C6orf132: variants seen among roughly 807,000 people sequenced by gnomAD.
The protein encoded by C6orf132 is chromosome 6 open reading frame 132, also known as uncharacterized protein C6orf132.
C6orf132 carries 43 observed loss-of-function variants against 65.3 expected under a neutral mutation model. The ratio of observed to expected loss-of-function variants is 0.66; its 90% CI spans 0.52 to 0.85. The LOEUF (loss-of-function observed/expected upper bound fraction) is 0.85, where lower values mean the gene tolerates loss of function less well. Among genes scored for constraint, C6orf132 ranks in the 40% least tolerant of loss-of-function variants. The pLI, the probability that C6orf132 is intolerant of heterozygous loss-of-function variation, is 0.00. For synonymous variants in C6orf132, 631 were observed against 654.1 expected (o/e 0.96, Z 0.54); for missense variants, 1,488 against 1,548.8 (o/e 0.96, Z 0.66).
chr6:42,106,339 G>C lies in C6orf132; in HGVS notation c.1573C>G (p.Pro525Ala). The C allele has an allele frequency of 6.5e-6, 10 of 1,536,646 alleles. No homozygotes were observed. The highest frequency in any genetic ancestry group is 8.7e-6 in the Non-Finnish European group (10 of 1,146,852). ...CCAAGACTCTTTTCAGGAACACCTG[G>C]GGGAGTGTCCTTTGCTGGCAGGCTC... ...LLSLPAKDTP[P>A]GVPEKSLGGS... is the part of the protein sequence containing the mutation. Residue 525 changes from proline (P) to alanine (A), a missense_variant, in exon 4 of 5, where the codon CCA becomes GCA. Transcript: ENST00000341865.
At chr6:42,125,597 A>G (rs1453350941) in intron 2 of C6orf132, among the ~76,000 whole-genome samples, 1 of 152,132 alleles carries the variant, frequency 6.6e-6, no homozygotes, top group Non-Finnish European at 1.5e-5. Context: ...TCGGTTCACC[A>G]TGTGTCCATT....
intron 2 of C6orf132, among the ~76,000 whole-genome samples, chr6:42,125,020 G>C (rs1448575324): frequency 1.3e-5 from 2 of 152,274 alleles, no homozygotes; most frequent in Admixed American, 1.3e-4. Flanking sequence ...AGCAAAACTA[G>C]ATGTATGTGG....
Position 42,107,405 on chromosome 6 carries a change from T to C in C6orf132, c.507A>G (p.Thr169=). ...GGSPLPSPPS[T]APPPPPLLLE... is the part of the protein sequence containing the mutation. ...GCAGCAGGGGAGGTGGTGGGGGTGC[T>C]GTGGAAGGTGGAGATGGCAGTGGCG... Residue 169 remains threonine (T), a synonymous_variant, in exon 4 of 5, where the codon ACA becomes ACG. Transcript: ENST00000341865. 1 of 1,355,298 alleles carries C rather than the reference T, an allele frequency of 7.4e-7. No individual in the cohort carries two copies. The highest frequency in any genetic ancestry group is 9.9e-7 in the Non-Finnish European group (1 of 1,015,084). 84.0% of individuals were successfully genotyped at this position (1,355,298 alleles called of 1,614,324 possible). A position where few individuals can be genotyped will look rare whatever the true frequency, so the allele number is the denominator to read the frequency against.
intron 2 of C6orf132, among the ~76,000 whole-genome samples, chr6:42,116,898 CA>C (rs1462551908): frequency 1.3e-5 from 2 of 152,122 alleles, no homozygotes; most frequent in African/African-American, 2.4e-5. Context: ...TCAGAGGTCC[CA>C]GGGGCAGATG....
At chr6:42,131,963 G>A (rs1458579549) in intron 1 of C6orf132, among the ~76,000 whole-genome samples, 1 of 152,226 alleles carries the variant, frequency 6.6e-6, no homozygotes, top group Admixed American at 6.5e-5. Context: ...GTAGGGGTCA[G>A]AGAGGGAAAC....
rs58477278 is a variant in C6orf132 at position 42,120,246 on chromosome 6, C to CT, written c.252+8425dup. Among the ~76,000 whole-genome samples, 820 of 141,588 alleles carry CT rather than the reference C, an allele frequency of 5.8e-3. 9 individuals carry two copies. Among genetic ancestry groups the CT allele is most frequent in the African/African-American group, 0.017 (647 of 38,796 alleles). 92.9% of individuals were successfully genotyped at this position (141,588 alleles called of 152,430 possible). ...CCTTCCTTGTCTTTATTGCGAGGTTCTTTTTTTTTTTTTTTCTTGAGACGG... is the reference window on the plus strand; with the variant it reads ...CCTTCCTTGTCTTTATTGCGAGGTTCTTTTTTTTTTTTTTTTCTTGAGACGG... On this transcript the variant is annotated intron_variant, in intron 2 of 4. Coordinates refer to ENST00000341865, the MANE Select transcript of C6orf132 (RefSeq NM_001164446.3).
intron 2 of C6orf132, among the ~76,000 whole-genome samples, chr6:42,111,894 G>C (rs1562035216): frequency 2.6e-5 from 4 of 151,928 alleles, no homozygotes; most frequent in African/African-American, 9.7e-5. Context: ...CTGTTTTGAA[G>C]AGCTGTAGAG....
chr6:42,105,983 G>C lies in C6orf132; in HGVS notation c.1929C>G (p.Pro643=). 1 of 1,537,224 alleles carries C rather than the reference G, an allele frequency of 6.5e-7. No homozygotes were observed. Among genetic ancestry groups the C allele is most frequent in the Non-Finnish European group, 8.7e-7 (1 of 1,146,904 alleles). Residue 643 remains proline, a synonymous_variant, in exon 4 of 5, where the codon CCC becomes CCG. Transcript: ENST00000341865. ...PKAMLGPAIP[P]KATPEPAIPP... is the part of the protein sequence containing the mutation. ...GTATGGCTGGCTCAGGTGTGGCCTTGGGTGGTATGGCTGGTCCCAACATAG... is the reference window on the plus strand; with the variant it reads ...GTATGGCTGGCTCAGGTGTGGCCTTCGGTGGTATGGCTGGTCCCAACATAG...
chr6:42,126,800 G>T (rs542367134), intron 2 of C6orf132: 1 of 402,844 alleles, frequency 2.5e-6, no homozygotes, highest in Non-Finnish European at 4.4e-6. Context: ...CCGAGATCAC[G>T]CCATTGTACC....
In C6orf132 at chr6:42,104,686, C is replaced by G. The variant is rs753096473; in HGVS notation, c.3226G>C (p.Gly1076Arg). ...CGGCCGGTGCCACCGTGGGGTAGCC[C>G]TGGGCCTCGGTGCGGCTCCCCGACG... ...LYVGEPHRGP[G>R]LPHGGTGRSL... Residue 1076 changes from glycine to arginine, a missense_variant, in exon 4 of 5, where the codon GGG (glycine) becomes CGG (arginine). By Grantham distance (125) the Gly-to-Arg change is moderately radical (BLOSUM62 -2). Coordinates refer to ENST00000341865, the MANE Select transcript of C6orf132 (RefSeq NM_001164446.3). The surrounding 1 kb of genome is among the most constrained non-coding windows in gnomAD (Gnocchi z 4.1). 2 of 1,517,306 alleles carry G rather than the reference C, an allele frequency of 1.3e-6. No homozygotes were observed. Among genetic ancestry groups the G allele is most frequent in the South Asian group, 2.4e-5 (2 of 82,560 alleles). 94.0% of individuals were successfully genotyped at this position (1,517,306 alleles called of 1,614,324 possible). A position where few individuals can be genotyped will look rare whatever the true frequency, so the allele number is the denominator to read the frequency against.
intron 2 of C6orf132, among the ~76,000 whole-genome samples, chr6:42,118,868 ATTT>A (rs546407195): frequency 3.0e-4 from 34 of 113,198 alleles, no homozygotes; most frequent in Admixed American, 3.9e-4. Context: ...CAGCCCTTTA[ATTT>A]TTTTTTTTTT....
intron 1 of C6orf132, among the ~76,000 whole-genome samples, 181 bp from the exon 2 acceptor site, chr6:42,128,959 G>A (rs1039876762): frequency 1.3e-5 from 2 of 152,232 alleles, no homozygotes; most frequent in Non-Finnish European, 2.9e-5. Flanking sequence ...CACTAATGGG[G>A]CCAGCTGAGG....
At chr6:42,127,911 A>ATGT (rs1268651513) in intron 2 of C6orf132, among the ~76,000 whole-genome samples, 1 of 151,380 alleles carries the variant, frequency 6.6e-6, no homozygotes, top group Non-Finnish European at 1.5e-5. Context: ...TATTGATTAA[A>ATGT]TGTTGCAATG....
intron 1 of C6orf132, among the ~76,000 whole-genome samples, chr6:42,130,513 T>A (rs1460155113): frequency 6.6e-6 from 1 of 152,044 alleles, no homozygotes; most frequent in Non-Finnish European, 1.5e-5. Flanking sequence ...CCTGGACCCT[T>A]AACAGGACTG....
chr6:42,142,079 G>A (rs1308852818), intron 1 of C6orf132, among the ~76,000 whole-genome samples: 1 of 151,992 alleles, frequency 6.6e-6, no homozygotes, highest in Non-Finnish European at 1.5e-5. Flanking sequence ...ACCTCCCCGT[G>A]GTGGTGGGGG....
chr6:42,138,875 A>ACACACACACACACACACT (rs1451499136), intron 1 of C6orf132, among the ~76,000 whole-genome samples: 1 of 151,794 alleles, frequency 6.6e-6, no homozygotes. Flanking sequence ...ACACACACAC[A>ACACACACACACACACACT]CACACACTCG....
chr6:42,128,607 C>A, intron 2 of C6orf132, 65 bp downstream of exon 2: 1 of 1,292,450 alleles, frequency 7.7e-7, no homozygotes, highest in East Asian at 2.5e-5. Context: ...TCCACTCGGG[C>A]TAGGGCAGCC....
chr6:42,130,693 T>C (rs1766837637), intron 1 of C6orf132, among the ~76,000 whole-genome samples: 1 of 152,148 alleles, frequency 6.6e-6, no homozygotes, highest in Non-Finnish European at 1.5e-5. Context: ...TTAGAAGTGT[T>C]ATACCTGAGC....
chr6:42,104,664 C>T lies in C6orf132; in HGVS notation c.3248G>A (p.Gly1083Asp). 1 of 1,495,176 alleles carries T rather than the reference C, an allele frequency of 6.7e-7. No homozygotes were observed. Among genetic ancestry groups the T allele is most frequent in the Non-Finnish European group, 8.8e-7 (1 of 1,131,216 alleles). The allele number at this position is 1,495,176 out of a possible 1,614,324, so 92.6% of individuals were successfully genotyped here. A position where few individuals can be genotyped will look rare whatever the true frequency, so the allele number is the denominator to read the frequency against. ...RGPGLPHGGT[G>D]RSLSSPNCFG... ...GCAGTTGGGAGAGCTCAGGCTGCGGCCGGTGCCACCGTGGGGTAGCCCTGG... is the reference window on the plus strand; with the variant it reads ...GCAGTTGGGAGAGCTCAGGCTGCGGTCGGTGCCACCGTGGGGTAGCCCTGG... The change falls in exon 4 of 5, where the codon GGC becomes GAC. Residue 1083 changes from glycine (G) to aspartate (D), a missense_variant. Coordinates refer to ENST00000341865, the MANE Select transcript of C6orf132 (RefSeq NM_001164446.3). This position sits in a 1 kb window ranked among gnomAD's most constrained non-coding sequence, Gnocchi z 4.1.
Sources: allele counts gnomAD v4.1 joint callset (sites outside exome capture counted in the v4.1 genomes callset), GRCh38; gene constraint gnomAD v4.1.1; non-coding constraint Gnocchi (gnomAD v3.1); transcripts MANE v1.5; gene names NCBI Gene and HGNC (gene_info 2026-07-23, HGNC 2026-07-21).